The following BRAT1 variants were observed in gnomAD, a reference collection of about 807,000 sequenced individuals.
BRAT1 encodes the protein integrator complex assembly factor BRAT1.
A neutral mutation model predicts 70.6 loss-of-function variants in BRAT1; 74 were observed. That is an observed-to-expected ratio of 1.05 (90% confidence interval 0.87 to 1.27). The LOEUF (loss-of-function observed/expected upper bound fraction) is 1.27, where lower values mean the gene tolerates loss of function less well. Among genes scored for constraint, BRAT1 ranks in the 50% most tolerant of loss-of-function variants. The pLI is 0.00. For synonymous variants in BRAT1, 615 were observed against 517.1 expected (o/e 1.19, Z -2.57); for missense variants, 1,203 against 1,098.2 (o/e 1.10, Z -1.35).
intron 2 of BRAT1, among the ~76,000 whole-genome samples, chr7:2,548,687 G>A (rs1347613827): frequency 6.6e-6 from 1 of 150,510 alleles, no homozygotes; most frequent in Non-Finnish European, 1.5e-5. Context: ...AAAAGGCGGG[G>A]CGTGGTGGCT....
rs546426836 is a variant in BRAT1, at chr7:2,538,557, C to A, written c.1978G>T (p.Val660Leu). ...GGCCCCAAAGTCTGGCCCAGGAACACGAGGGCCAGCTCCAGGCCCTGGGCG... is the reference window on the plus strand; with the variant it reads ...GGCCCCAAAGTCTGGCCCAGGAACAAGAGGGCCAGCTCCAGGCCCTGGGCG... ...VRAQGLELAL[V>L]FLGQTLGPPR... The change falls in exon 14 of 14, where the codon GTG (valine) becomes TTG (leucine). Residue 660 changes from valine to leucine, a missense_variant. Physicochemically the swap from Val to Leu is conservative, Grantham distance 32. Coordinates refer to ENST00000340611, the MANE Select transcript of BRAT1 (RefSeq NM_152743.4). 1.9e-6 allele frequency: 3 copies of A among 1,600,482 alleles called. No homozygotes were observed. Among genetic ancestry groups the A allele is most frequent in the Non-Finnish European group, 2.5e-6 (3 of 1,177,750 alleles).
chr7:2,539,156 C>G (rs200977076), intron 13 of BRAT1, 23 bp downstream of exon 13: 1 of 1,578,184 alleles, frequency 6.3e-7, no homozygotes, highest in African/African-American at 1.3e-5. Flanking sequence ...GAGTTGCTGG[C>G]TGAGGAACCT....
Position 2,538,429 on chromosome 7 carries a change from G to T in BRAT1, c.2106C>A (p.Asp702Glu). ...AGTCAAACAAGGCACAAAAGGCGAAGTCAAAGAGCCCCACGTGGCAGAGAG... is the reference window on the plus strand; with the variant it reads ...AGTCAAACAAGGCACAAAAGGCGAATTCAAAGAGCCCCACGTGGCAGAGAG... ...LRALCHVGLF[D>E]FAFCALFDCD... Residue 702 changes from aspartate (D) to glutamate (E), a missense_variant, in exon 14 of 14, where the codon GAC becomes GAA. Asp to Glu is a conservative substitution (Grantham distance 45). Coordinates refer to ENST00000340611, the MANE Select transcript of BRAT1 (RefSeq NM_152743.4). 6.2e-7 allele frequency: 1 copy of T among 1,613,428 alleles called. No homozygotes were observed. The highest frequency in any genetic ancestry group is 8.5e-7 in the Non-Finnish European group (1 of 1,179,974).
Position 2,541,285 on chromosome 7 carries a change from A to G in BRAT1, c.1321+13T>C. 6.4e-7 allele frequency: 1 copy of G among 1,568,782 alleles called. No homozygotes were observed. Among genetic ancestry groups the G allele is most frequent in the Non-Finnish European group, 8.6e-7 (1 of 1,161,002 alleles). On this transcript the variant is annotated intron_variant, in intron 9 of 13. Transcript: ENST00000340611. Reference sequence around the variant, plus strand: ...GGATAGCCCCACGCCAAAGCCGTACAGAACACACTCACCTGTCCCCTGTGA... The same window carrying G: ...GGATAGCCCCACGCCAAAGCCGTACGGAACACACTCACCTGTCCCCTGTGA...
rs901654534 is a variant in BRAT1, at chr7:2,542,343, G to A, written c.924-132C>T. 6.6e-6 allele frequency: 5 copies of A among 757,668 alleles called. No homozygotes were observed. The Admixed American group carries it at 1.1e-4, about 17-fold the overall frequency. The allele number at this position is 757,668 out of a possible 1,614,324, so 46.9% of individuals were successfully genotyped here. ...CACCCCCCGAGAAACATTCTCTGCA[G>A]GCCACTGGCCAGGGGATGCCATGGG... On this transcript the variant is annotated intron_variant, in intron 6 of 13. Coordinates refer to ENST00000340611, the MANE Select transcript of BRAT1 (RefSeq NM_152743.4).
rs369607597 is a variant in BRAT1 at position 2,538,204 on chromosome 7, C to A, written c.2331G>T (p.Arg777Ser). Residue 777 changes from arginine to serine, a missense_variant, in exon 14 of 14, where the codon AGG becomes AGT. Arg to Ser is a moderately radical substitution (Grantham distance 110). Coordinates refer to ENST00000340611, the MANE Select transcript of BRAT1 (RefSeq NM_152743.4). ...TCCGCAGGCCCTCCAGGTCTAGGGA[C>A]CTGAGCATGGCCAGCACAGCCTCAG... ...QEPEAVLAML[R>S]SLDLEGLRST... 1 of 1,610,002 alleles carries A rather than the reference C, an allele frequency of 6.2e-7. No homozygotes were observed. The highest frequency in any genetic ancestry group is 1.3e-5 in the African/African-American group (1 of 75,012).
intron 2 of BRAT1, among the ~76,000 whole-genome samples, chr7:2,551,641 T>C (rs1044182951): frequency 4.0e-5 from 6 of 150,484 alleles, no homozygotes; most frequent in African/African-American, 9.8e-5. Context: ...GTTCACGCCA[T>C]TGCACTCCAT....
At chr7:2,540,878 G>A in intron 10 of BRAT1, 101 bp downstream of exon 10, 1 of 1,195,110 alleles carries the variant, frequency 8.4e-7, no homozygotes, top group Admixed American at 3.7e-5. Flanking sequence ...CTGTGTGAAG[G>A]CCCCATCCGC....
In BRAT1 at chr7:2,541,359, C is replaced by T. The variant is rs755903517; in HGVS notation, c.1260G>A (p.Ala420=). ...SVGGHLCGTL[A]GCVRVQRAAL... is the part of the protein sequence containing the mutation. ...CTGCTCGCTGGACCCGGACGCAGCC[C>T]GCCAGGGTCCCACAGAGGTGGCCCC... The change falls in exon 9 of 14, where the codon GCG becomes GCA. Residue 420 remains alanine, a synonymous_variant. Transcript: ENST00000340611. 14 of 1,606,916 alleles carry T rather than the reference C, an allele frequency of 8.7e-6. 1 individual carries two copies. Among genetic ancestry groups the T allele is most frequent in the South Asian group, 6.6e-5 (6 of 90,946 alleles).
Position 2,541,287 on chromosome 7 carries a change from A to G in BRAT1, c.1321+11T>C, listed in dbSNP as rs1562572626. ...ATAGCCCCACGCCAAAGCCGTACAG[A>G]ACACACTCACCTGTCCCCTGTGACA... On this transcript the variant is annotated intron_variant, in intron 9 of 13. Coordinates refer to ENST00000340611, the MANE Select transcript of BRAT1 (RefSeq NM_152743.4). 1 of 1,574,082 alleles carries G rather than the reference A, an allele frequency of 6.4e-7. No homozygotes were observed. Among genetic ancestry groups the G allele is most frequent in the South Asian group, 1.1e-5 (1 of 87,234 alleles).
In BRAT1 at chr7:2,538,753, C is replaced by T; in HGVS notation, c.1782G>A (p.Leu594=). The change falls in exon 14 of 14, where the codon CTG becomes CTA. Residue 594 remains leucine (L), a synonymous_variant. Coordinates refer to ENST00000340611, the MANE Select transcript of BRAT1 (RefSeq NM_152743.4). ...CTACGGAGAGGATGTGCAGGAGCTC[C>T]AGGAACAGGCTCTGGGGGACAGGGA... The part of the protein sequence containing the change: ...EHAEARQSLF[L]ELLHILSVDS... 6.3e-7 allele frequency: 1 copy of T among 1,598,334 alleles called. No homozygotes were observed. The highest frequency in any genetic ancestry group is 8.5e-7 in the Non-Finnish European group (1 of 1,179,854).
chr7:2,540,873 T>A (rs1159230523), intron 10 of BRAT1, 106 bp downstream of exon 10: 1 of 1,173,954 alleles, frequency 8.5e-7, no homozygotes, highest in African/African-American at 1.6e-5. Context: ...TGGCCCTGTG[T>A]GAAGGCCCCA....
chr7:2,539,948 G>A lies in BRAT1; in HGVS notation c.1396-60C>T, dbSNP rs1243363497. On this transcript the variant is annotated intron_variant, in intron 10 of 13. Transcript: ENST00000340611. Reference sequence around the variant, plus strand: ...AGACGGAGGGGCAGGCTGTCTGTCTGTCCCCCTCGCCTTCACCTGTGCTGC... The same window carrying A: ...AGACGGAGGGGCAGGCTGTCTGTCTATCCCCCTCGCCTTCACCTGTGCTGC... 3.9e-6 allele frequency: 5 copies of A among 1,266,652 alleles called. No individual in the cohort carries two copies. In the African/African-American group the frequency reaches 4.6e-5, roughly 12 times the overall value. 78.5% of individuals were successfully genotyped at this position (1,266,652 alleles called of 1,614,324 possible).
chr7:2,551,150 G>A (rs968682750), intron 2 of BRAT1, among the ~76,000 whole-genome samples: 2 of 151,552 alleles, frequency 1.3e-5, no homozygotes, highest in Admixed American at 1.3e-4. Context: ...TGAGGCAGGA[G>A]AATCGTTTGA....
chr7:2,545,480 A>G (rs1372613455), intron 3 of BRAT1, among the ~76,000 whole-genome samples: 2 of 137,578 alleles, frequency 1.5e-5, no homozygotes, highest in Non-Finnish European at 3.0e-5. Context: ...ATACTTCTGG[A>G]GGACACTTTC....
chr7:2,547,257 C>A, intron 3 of BRAT1, 67 bp downstream of exon 3: 1 of 1,579,692 alleles, frequency 6.3e-7, no homozygotes, highest in Non-Finnish European at 8.7e-7. Flanking sequence ...AATGCCCCAC[C>A]TGGCTGCGGG....
intron 8 of BRAT1, 24 bp from the exon 9 acceptor site, chr7:2,541,508 C>A: frequency 6.6e-7 from 1 of 1,517,524 alleles, no homozygotes; most frequent in South Asian, 1.2e-5. Context: ...GGCCGTCAGC[C>A]AAGGTTGCGG....
chr7:2,539,058 GCGCTGCCCACAGCAGCAGCTGCTCCCA>G, intron 13 of BRAT1, 94 bp downstream of exon 13: 1 of 1,465,166 alleles, frequency 6.8e-7, no homozygotes, highest in Non-Finnish European at 9.0e-7. Context: ...ACTGCTGCAG[GCGCTGCCCACAGCAGCAGCTGCTCCCA>G]CGCTGCATGC....
chr7:2,539,047 CACTGCTGCAGGCGCTGCCCACA>C, intron 13 of BRAT1, 110 bp downstream of exon 13: 1 of 1,453,842 alleles, frequency 6.9e-7, no homozygotes, highest in Non-Finnish European at 9.1e-7. Flanking sequence ...CCTCGGCAGT[CACTGCTGCAGGCGCTGCCCACA>C]GCAGCAGCTG....
Sources: allele counts gnomAD v4.1 joint callset (sites outside exome capture counted in the v4.1 genomes callset), GRCh38; gene constraint gnomAD v4.1.1; transcripts MANE v1.5; gene names NCBI Gene and HGNC (gene_info 2026-07-23, HGNC 2026-07-21).